PDS5B: variants seen among roughly 807,000 people sequenced by gnomAD.
PDS5B encodes the protein sister chromatid cohesion protein PDS5 homolog B.
Under a neutral mutation model 184.1 loss-of-function variants are expected in PDS5B, and 51 were observed. The ratio of observed to expected loss-of-function variants is 0.28; its 90% confidence interval spans 0.22 to 0.35. The LOEUF (loss-of-function observed/expected upper bound fraction) is 0.35, where lower values mean the gene tolerates loss of function less well. Among genes scored for constraint, PDS5B ranks in the 10% least tolerant of loss-of-function variants. The pLI is 1.00. For missense variants in PDS5B, 1,180 were observed against 1,723.3 expected (o/e 0.68, Z 5.58); for synonymous variants, 566 against 569.2 (o/e 0.99, Z 0.08).
intron 19 of PDS5B, among the ~76,000 whole-genome samples, chr13:32,724,157 C>T (rs1250639225): frequency 1.3e-5 from 2 of 152,158 alleles, no homozygotes; most frequent in Non-Finnish European, 2.9e-5. Context: ...TGGTCTGTTG[C>T]CCAGACTGGA....
chr13:32,759,967 G>C lies in PDS5B; in HGVS notation c.3372+277G>C, dbSNP rs572537572. Among the ~76,000 whole-genome samples, 611 of 151,816 alleles carry C rather than the reference G, an allele frequency of 4.0e-3. 5 individuals are homozygous for C. The highest frequency in any genetic ancestry group is 0.014 in the African/African-American group (568 of 41,432). On this transcript the variant is annotated intron_variant, in intron 29 of 34. Transcript: ENST00000315596. The stretch of plus-strand genomic sequence containing the variant: ...ATCAAGATAAAAAAAATCTTAAAAG[G>C]CTTTTTTTTTTGAGACGGAGTCTCT...
At chr13:32,770,916 A>G in intron 33 of PDS5B, 155 bp downstream of exon 33, 1 of 625,890 alleles carries the variant, frequency 1.6e-6, no homozygotes. Flanking sequence ...TTAGTGATTG[A>G]TATCTCAATA....
At chr13:32,703,968 A>G (rs985127084) in intron 17 of PDS5B, among the ~76,000 whole-genome samples, 1 of 152,178 alleles carries the variant, frequency 6.6e-6, no homozygotes, top group African/African-American at 2.4e-5. Flanking sequence ...GATTATAAGA[A>G]TGCTTTATAA....
intron 6 of PDS5B, among the ~76,000 whole-genome samples, 164 bp downstream of exon 6, chr13:32,659,444 G>T (rs761335130): frequency 2.8e-4 from 42 of 152,104 alleles, no homozygotes; most frequent in Non-Finnish European, 4.7e-4. Context: ...GTAATAAAAA[G>T]ATACACTTAA....
At chr13:32,689,728 A>G (rs1049921875) in intron 13 of PDS5B, 1 of 152,042 alleles carries the variant, frequency 6.6e-6, no homozygotes, top group African/African-American at 2.4e-5. Context: ...AAAATACATT[A>G]CTCTCATATT....
intron 19 of PDS5B, among the ~76,000 whole-genome samples, chr13:32,712,162 T>G (rs1393546738): frequency 1.3e-5 from 2 of 152,244 alleles, no homozygotes; most frequent in Non-Finnish European, 2.9e-5. Flanking sequence ...CTTTTATATT[T>G]TAAAGAAACA....
chr13:32,669,472 T>C (rs1263800501), intron 7 of PDS5B, among the ~76,000 whole-genome samples: 1 of 152,164 alleles, frequency 6.6e-6, no homozygotes, highest in Non-Finnish European at 1.5e-5. Flanking sequence ...GTTAGATGAT[T>C]AGGTTCGTTA....
rs76103156 is a variant in PDS5B at position 32,675,175 on chromosome 13, CT to C, written c.847-666del. On this transcript the variant is annotated intron_variant, in intron 8 of 34. Transcript: ENST00000315596. ...CCTTTTGATATACCCAATTCCCACA[CT>C]TTATGTTCAAGTCTAGTATTGTGAC... 1.4e-4 allele frequency among the ~76,000 whole-genome samples: 22 copies of C among 152,232 alleles called. No homozygotes were observed. In the East Asian group the frequency reaches 2.7e-3, roughly 19 times the overall value.
chr13:32,619,136 A>T (rs2058259384), intron 1 of PDS5B, among the ~76,000 whole-genome samples: 2 of 145,684 alleles, frequency 1.4e-5, no homozygotes, highest in African/African-American at 5.1e-5. Flanking sequence ...TGTCTAAATG[A>T]TTTAAAAATT....
intron 1 of PDS5B, among the ~76,000 whole-genome samples, chr13:32,588,633 C>G (rs528837033): frequency 6.6e-6 from 1 of 152,062 alleles, no homozygotes; most frequent in South Asian, 2.1e-4. Flanking sequence ...TTTTGTTACT[C>G]TTGTAGGCTT....
intron 10 of PDS5B, among the ~76,000 whole-genome samples, chr13:32,681,403 G>A (rs553966705): frequency 9.9e-5 from 15 of 152,188 alleles, no homozygotes; most frequent in African/African-American, 3.6e-4. Flanking sequence ...CGGGCAGATT[G>A]CTTGAGGTCA....
chr13:32,598,186 C>T (rs892937793), intron 1 of PDS5B, among the ~76,000 whole-genome samples: 2 of 151,376 alleles, frequency 1.3e-5, no homozygotes, highest in African/African-American at 4.9e-5. Context: ...AGCAATTCTG[C>T]CTCAGCCTCT....
At chr13:32,728,591 C>A (rs1389178232) in intron 19 of PDS5B, among the ~76,000 whole-genome samples, 1 of 152,142 alleles carries the variant, frequency 6.6e-6, no homozygotes, top group East Asian at 1.9e-4. Context: ...CTTCCTTGGC[C>A]TCCCTGAACT....
At chr13:32,766,080 C>CAA (rs1424229989) in intron 31 of PDS5B, among the ~76,000 whole-genome samples, 1 of 152,178 alleles carries the variant, frequency 6.6e-6, no homozygotes. Context: ...GGTATTATGT[C>CAA]TTCTTAGTTC....
intron 18 of PDS5B, among the ~76,000 whole-genome samples, chr13:32,707,546 A>G (rs1238003830): frequency 3.4e-5 from 5 of 149,102 alleles, no homozygotes; most frequent in Admixed American, 6.7e-5. Context: ...ACAATTTTGT[A>G]TCCTTAACTA....
chr13:32,667,862 T>C lies in PDS5B; in HGVS notation c.705+18T>C. On this transcript the variant is annotated intron_variant, in intron 7 of 34. Coordinates refer to ENST00000315596, the MANE Select transcript of PDS5B (RefSeq NM_015032.4). Reference sequence around the variant, plus strand: ...TTACCAATGTAAGTCTTACTTGTAATTGGTTGTCAGAAGGATTAAACTGAA... The same window carrying C: ...TTACCAATGTAAGTCTTACTTGTAACTGGTTGTCAGAAGGATTAAACTGAA... 4.2e-6 allele frequency: 6 copies of C among 1,438,070 alleles called. No homozygotes were observed. Among genetic ancestry groups the C allele is most frequent in the Non-Finnish European group, 4.8e-6 (5 of 1,052,070 alleles). 89.1% of individuals were successfully genotyped at this position (1,438,070 alleles called of 1,614,324 possible). A position where few individuals can be genotyped will look rare whatever the true frequency, so the allele number is the denominator to read the frequency against.
chr13:32,696,115 A>G (rs996773722), intron 14 of PDS5B, among the ~76,000 whole-genome samples: 44 of 152,072 alleles, frequency 2.9e-4, no homozygotes, highest in African/African-American at 8.9e-4. Context: ...TTTAACTCTC[A>G]GTTCCTCTTA....
chr13:32,750,847 C>CTGTGTGTG (rs71194534), intron 24 of PDS5B, among the ~76,000 whole-genome samples: 26,650 of 143,246 alleles, frequency 0.19, 2,533 homozygotes, highest in Non-Finnish European at 0.22. Context: ...CGGCCTCCCT[C>CTGTGTGTG]TGTGTGTGTG....
chr13:32,602,159 T>C (rs911694706), intron 1 of PDS5B, among the ~76,000 whole-genome samples: 1 of 152,156 alleles, frequency 6.6e-6, no homozygotes, highest in African/African-American at 2.4e-5. Flanking sequence ...TTGTTACATA[T>C]GTATACATAT....
Sources: gnomAD v4.1 joint callset for allele counts (sites outside exome capture counted in the v4.1 genomes callset) on GRCh38, gnomAD v4.1.1 for gene constraint, MANE v1.5 for transcripts, NCBI Gene and HGNC (gene_info 2026-07-23, HGNC 2026-07-21) for gene names.